RFTN1: variants seen among roughly 807,000 people sequenced by gnomAD.
The protein encoded by RFTN1 is raftlin, lipid raft linker 1, also known as raftlin.
Under a neutral mutation model 46.5 loss-of-function variants are expected in RFTN1, and 26 were observed. The observed-to-expected ratio is 0.56, with a 90% CI of 0.41 to 0.78. The LOEUF is 0.78. RFTN1 is among the 30% of genes least tolerant of loss of function. The probability of loss-of-function intolerance (pLI) is 0.00; values close to 1 mark genes in which losing one functional copy is unlikely to be tolerated. For missense variants in RFTN1, 693 were observed against 718.7 expected (o/e 0.96, Z 0.41); for synonymous variants, 261 against 284.2 (o/e 0.92, Z 0.82).
intron 2 of RFTN1, among the ~76,000 whole-genome samples, chr3:16,467,636 G>A (rs2076121716): frequency 6.6e-6 from 1 of 152,238 alleles, no homozygotes; most frequent in African/African-American, 2.4e-5. Flanking sequence ...TCAAAGAGGA[G>A]TGGCCAAAAG....
intron 2 of RFTN1, among the ~76,000 whole-genome samples, chr3:16,490,632 G>A (rs554441991): frequency 4.6e-5 from 7 of 152,314 alleles, no homozygotes; most frequent in South Asian, 4.1e-4. Context: ...GCCGACATTC[G>A]CATCCCTCAA....
chr3:16,400,646 G>A lies in RFTN1; in HGVS notation c.441+8729C>T, dbSNP rs1164572924. Among the ~76,000 whole-genome samples, 1 of 152,206 alleles carries A rather than the reference G, an allele frequency of 6.6e-6. No homozygotes were observed. The highest frequency in any genetic ancestry group is 1.5e-5 in the Non-Finnish European group (1 of 68,046). Reference sequence around the variant, plus strand: ...GAGGGAGAAAATGAAGCACAAGAAAGTATCTCCTTTTTTGGGGAGTGATTG... The same window carrying A: ...GAGGGAGAAAATGAAGCACAAGAAAATATCTCCTTTTTTGGGGAGTGATTG... On this transcript the variant is annotated intron_variant, in intron 4 of 9. Coordinates refer to ENST00000334133, the MANE Select transcript of RFTN1 (RefSeq NM_015150.2). This position sits in a 1 kb window ranked among gnomAD's most constrained non-coding sequence, Gnocchi z 4.5.
chr3:16,403,110 C>T (rs998543845), intron 4 of RFTN1, among the ~76,000 whole-genome samples: 1 of 152,210 alleles, frequency 6.6e-6, no homozygotes, highest in African/African-American at 2.4e-5. Flanking sequence ...GGGACACCTT[C>T]AAGGCACTCC....
Position 16,479,809 on chromosome 3 carries a change from GC to G in RFTN1, c.145+13915del, listed in dbSNP as rs1442749262. 6.6e-6 allele frequency among the ~76,000 whole-genome samples: 1 copy of G among 152,142 alleles called. No homozygotes were observed. The highest frequency in any genetic ancestry group is 1.5e-5 in the Non-Finnish European group (1 of 68,032). ...TTAGATTTGGTTTAGGATTTCCAGG[GC>G]CCCCTGCACCTACCAAACAGCAGAC... On this transcript the variant is annotated intron_variant, in intron 2 of 9. Coordinates refer to ENST00000334133, the MANE Select transcript of RFTN1 (RefSeq NM_015150.2). The surrounding 1 kb of genome is among the most constrained non-coding windows in gnomAD (Gnocchi z 5.1).
At chr3:16,389,195 C>G (rs2074287926) in intron 4 of RFTN1, among the ~76,000 whole-genome samples, 1 of 152,186 alleles carries the variant, frequency 6.6e-6, no homozygotes, top group Non-Finnish European at 1.5e-5. Context: ...CATTGCTATC[C>G]TAGTTTTAAC....
At position 16,481,847 on chromosome 3, in the gene RFTN1, T is replaced by C. The variant is rs780176231; in HGVS notation, c.145+11878A>G. ...TGTTTCCCTACCCTACCGCATATACTATTTTCAGCAAAGGAGGAGTCTATA... is the reference window on the plus strand; with the variant it reads ...TGTTTCCCTACCCTACCGCATATACCATTTTCAGCAAAGGAGGAGTCTATA... On this transcript the variant is annotated intron_variant, in intron 2 of 9. Transcript: ENST00000334133. The surrounding 1 kb of genome is among the most constrained non-coding windows in gnomAD (Gnocchi z 5.1). Among the ~76,000 whole-genome samples, 32 of 152,172 alleles carry C rather than the reference T, an allele frequency of 2.1e-4. No homozygotes were observed. Among genetic ancestry groups the C allele is most frequent in the Non-Finnish European group, 4.4e-4 (30 of 68,040 alleles).
In RFTN1 at chr3:16,327,322, A is replaced by C. The variant is rs1053017871; in HGVS notation, c.1147-446T>G. 6.6e-6 allele frequency among the ~76,000 whole-genome samples: 1 copy of C among 152,198 alleles called. No individual in the cohort carries two copies. The highest frequency in any genetic ancestry group is 1.5e-5 in the Non-Finnish European group (1 of 68,030). ...GTCGTTTATGTCCAGCCACAGCAAC[A>C]CACACATGCACATCCACATGTGTGT... On this transcript the variant is annotated intron_variant, in intron 7 of 9. Coordinates refer to ENST00000334133, the MANE Select transcript of RFTN1 (RefSeq NM_015150.2). The surrounding 1 kb of genome is among the most constrained non-coding windows in gnomAD (Gnocchi z 4.2).
At position 16,480,988 on chromosome 3, in the gene RFTN1, CACACACACAG is replaced by C. The variant is rs902095590; in HGVS notation, c.145+12727_145+12736del. ...GGTTACACACATATGCACATGCACA[CACACACACAG>C]ACACACACACACACACACACACACA... On this transcript the variant is annotated intron_variant, in intron 2 of 9. Transcript: ENST00000334133. The surrounding 1 kb of genome is among the most constrained non-coding windows in gnomAD (Gnocchi z 4.3). 2.3e-5 allele frequency among the ~76,000 whole-genome samples: 3 copies of C among 133,236 alleles called. No homozygotes were observed. The highest frequency in any genetic ancestry group is 4.8e-5 in the Non-Finnish European group (3 of 62,136). 87.4% of individuals were successfully genotyped at this position (133,236 alleles called of 152,430 possible). A position where few individuals can be genotyped will look rare whatever the true frequency, so the allele number is the denominator to read the frequency against.
At position 16,321,411 on chromosome 3, in the gene RFTN1, G is replaced by A. The variant is rs1306675862; in HGVS notation, c.1332+1965C>T. On this transcript the variant is annotated intron_variant, in intron 9 of 9. Transcript: ENST00000334133. The surrounding 1 kb of genome is among the most constrained non-coding windows in gnomAD (Gnocchi z 4.8). ...CAAGAGAAAAGCTGCTTCAGGGAGT[G>A]GGGGTGGTCCCAACATCCGGGCTGC... Among the ~76,000 whole-genome samples, 1 of 152,190 alleles carries A rather than the reference G, an allele frequency of 6.6e-6. No homozygotes were observed. The highest frequency in any genetic ancestry group is 1.5e-5 in the Non-Finnish European group (1 of 68,022).
rs1215099347 is a variant in RFTN1, at chr3:16,451,568, A to C, written c.146-17531T>G. Among the ~76,000 whole-genome samples, 4 of 152,242 alleles carry C rather than the reference A, an allele frequency of 2.6e-5. No homozygotes were observed. The highest frequency in any genetic ancestry group is 9.6e-5 in the African/African-American group (4 of 41,460). ...CTCTTCTCCACAGGGGATATGCCTG[A>C]AACCACAGATAGTAAAGAACCCAAT... On this transcript the variant is annotated intron_variant, in intron 2 of 9. Coordinates refer to ENST00000334133, the MANE Select transcript of RFTN1 (RefSeq NM_015150.2). This position sits in a 1 kb window ranked among gnomAD's most constrained non-coding sequence, Gnocchi z 4.2.
At position 16,387,079 on chromosome 3, in the gene RFTN1, GCA is replaced by G. The variant is rs1166964778; in HGVS notation, c.442-8979_442-8978del. 1.3e-5 allele frequency among the ~76,000 whole-genome samples: 2 copies of G among 152,166 alleles called. No homozygotes were observed. Among genetic ancestry groups the G allele is most frequent in the Non-Finnish European group, 2.9e-5 (2 of 68,024 alleles). ...AAGACCCAGAAAGCTGCTTTAAGAG[GCA>G]CACAGATGAGTGTTCCTTCTCTTCC... On this transcript the variant is annotated intron_variant, in intron 4 of 9. Coordinates refer to ENST00000334133, the MANE Select transcript of RFTN1 (RefSeq NM_015150.2). This position sits in a 1 kb window ranked among gnomAD's most constrained non-coding sequence, Gnocchi z 5.2.
rs774009207 is a variant in RFTN1 at position 16,493,733 on chromosome 3, A to C, written c.137T>G (p.Leu46Arg). 14 of 1,607,606 alleles carry C rather than the reference A, an allele frequency of 8.7e-6. No individual in the cohort carries two copies. In the Admixed American group the frequency reaches 2.4e-4, roughly 27 times the overall value. The change falls in exon 2 of 10, where the codon CTG (leucine) becomes CGG (arginine). Residue 46 changes from leucine (L) to arginine (R), a missense_variant. Physicochemically the swap from Leu to Arg is moderately radical, Grantham distance 102 (BLOSUM62 -2). Transcript: ENST00000334133. ...YEYRFLEFTTLSAAELPGSSA... is the reference protein window; with the variant it reads ...YEYRFLEFTTRSAAELPGSSA... The stretch of plus-strand genomic sequence containing the variant: ...CCACCCCATGTACTCACCAGCACTC[A>C]GAGTCGTGAACTCCAGGAAGCGGTA...
chr3:16,407,971 G>C lies in RFTN1; in HGVS notation c.441+1404C>G, dbSNP rs1207461567. ...CCTGGAGCCTGAACACTCAATACATGTTGAAGGGAGGGTGGCAGCAAGGAA... is the reference window on the plus strand; with the variant it reads ...CCTGGAGCCTGAACACTCAATACATCTTGAAGGGAGGGTGGCAGCAAGGAA... On this transcript the variant is annotated intron_variant, in intron 4 of 9. Transcript: ENST00000334133. The surrounding 1 kb of genome is among the most constrained non-coding windows in gnomAD (Gnocchi z 4.0). Among the ~76,000 whole-genome samples, 1 of 152,122 alleles carries C rather than the reference G, an allele frequency of 6.6e-6. No homozygotes were observed. Among genetic ancestry groups the C allele is most frequent in the Non-Finnish European group, 1.5e-5 (1 of 68,028 alleles).
chr3:16,438,149 A>C (rs1023619906), intron 2 of RFTN1, among the ~76,000 whole-genome samples: 1 of 152,214 alleles, frequency 6.6e-6, no homozygotes, highest in Non-Finnish European at 1.5e-5. Flanking sequence ...CTACAGTTCA[A>C]TATTCTTTAA....
At chr3:16,464,441 T>C (rs1182701800) in intron 2 of RFTN1, among the ~76,000 whole-genome samples, 4 of 152,242 alleles carry the variant, frequency 2.6e-5, no homozygotes, top group African/African-American at 9.6e-5. Context: ...CTGTATTTTA[T>C]ATAGTTTTTG....
rs530895209 is a variant in RFTN1 at position 16,468,882 on chromosome 3, T to C, written c.145+24843A>G. ...CAGAAAAGGGTACGTATGCTTCCCC[T>C]TCCTGTGGCTGGCCCATTAGGGCAG... On this transcript the variant is annotated intron_variant, in intron 2 of 9. Transcript: ENST00000334133. The surrounding 1 kb of genome is among the most constrained non-coding windows in gnomAD (Gnocchi z 4.4). Among the ~76,000 whole-genome samples the C allele has an allele frequency of 1.3e-5, 2 of 152,348 alleles. No homozygotes were observed. Among genetic ancestry groups the C allele is most frequent in the Middle Eastern group, 3.4e-3 (1 of 294 alleles).
chr3:16,320,175 G>GT lies in RFTN1; in HGVS notation c.1333-2944dup, dbSNP rs2068884832. On this transcript the variant is annotated intron_variant, in intron 9 of 9. Coordinates refer to ENST00000334133, the MANE Select transcript of RFTN1 (RefSeq NM_015150.2). This position sits in a 1 kb window ranked among gnomAD's most constrained non-coding sequence, Gnocchi z 4.5. ...GCCCATGATGTGTCCACTTCAAGTA[G>GT]TTTAGCTGGAAGGAAGTCTTCCCGA... Among the ~76,000 whole-genome samples, 1 of 152,218 alleles carries GT rather than the reference G, an allele frequency of 6.6e-6. No homozygotes were observed. Among genetic ancestry groups the GT allele is most frequent in the African/African-American group, 2.4e-5 (1 of 41,452 alleles).
At position 16,459,300 on chromosome 3, in the gene RFTN1, T is replaced by C. The variant is rs2075967045; in HGVS notation, c.146-25263A>G. 1.3e-5 allele frequency among the ~76,000 whole-genome samples: 2 copies of C among 152,154 alleles called. No homozygotes were observed. The highest frequency in any genetic ancestry group is 2.1e-4 in the South Asian group (1 of 4,828). Reference sequence around the variant, plus strand: ...AGGACTAAGTAATATCCACAATGTGTAACAGACACCTAAACTCTTACATGA... The same window carrying C: ...AGGACTAAGTAATATCCACAATGTGCAACAGACACCTAAACTCTTACATGA... On this transcript the variant is annotated intron_variant, in intron 2 of 9. Transcript: ENST00000334133. This position sits in a 1 kb window ranked among gnomAD's most constrained non-coding sequence, Gnocchi z 4.2.
intron 4 of RFTN1, among the ~76,000 whole-genome samples, chr3:16,397,811 T>C (rs559911007): frequency 6.6e-6 from 1 of 151,986 alleles, no homozygotes; most frequent in African/African-American, 2.4e-5. Flanking sequence ...TTTTCTTTCT[T>C]TCTCTCACCT....
Sources: gnomAD v4.1 joint callset for allele counts (sites outside exome capture counted in the v4.1 genomes callset) on GRCh38, gnomAD v4.1.1 for gene constraint, Gnocchi (gnomAD v3.1) non-coding constraint, MANE v1.5 for transcripts, NCBI Gene and HGNC (gene_info 2026-07-23, HGNC 2026-07-21) for gene names.